The following SLC24A2 variants were observed in gnomAD, a reference collection of about 807,000 sequenced individuals.
The protein encoded by SLC24A2 is solute carrier family 24 member 2, also known as sodium/potassium/calcium exchanger 2.
SLC24A2 carries 36 observed loss-of-function variants against 62.0 expected under a neutral mutation model. The ratio of observed to expected loss-of-function variants is 0.58; its 90% CI spans 0.44 to 0.77. The LOEUF is 0.77. Ranked by LOEUF, SLC24A2 falls within the 30% of genes least tolerant of loss-of-function variation. The probability of loss-of-function intolerance (pLI) is 0.00; values close to 1 mark genes in which losing one functional copy is unlikely to be tolerated. For missense variants in SLC24A2, 846 were observed against 817.9 expected (o/e 1.03, Z -0.42); for synonymous variants, 358 against 294.0 (o/e 1.22, Z -2.23).
At chr9:20,223,786 C>G in the SLC24A2 span, among the ~76,000 whole-genome samples, 3,241 of 151,998 alleles carry the variant, frequency 0.021, 185 homozygotes, top group East Asian at 0.19. Flanking sequence ...AGGTGGAAAA[C>G]AAAACAAAAT....
At chr9:20,017,374 T>C in the SLC24A2 span, among the ~76,000 whole-genome samples, 1 of 152,298 alleles carries the variant, frequency 6.6e-6, no homozygotes, top group South Asian at 2.1e-4. Flanking sequence ...ATAATGATTC[T>C]AAATTTTTCT....
the SLC24A2 span, among the ~76,000 whole-genome samples, chr9:19,933,724 TTCA>T: frequency 6.6e-6 from 1 of 152,246 alleles, no homozygotes; most frequent in Non-Finnish European, 1.5e-5. Context: ...AACCCAAATG[TTCA>T]TCAACTGATG....
chr9:19,578,613 CTTTTTTATTTAG>C (rs1836106610), intron 5 of SLC24A2, among the ~76,000 whole-genome samples: 1 of 151,636 alleles, frequency 6.6e-6, no homozygotes, highest in Non-Finnish European at 1.5e-5. Flanking sequence ...TCTCATTCTA[CTTTTTTATTTAG>C]AACCAAACCA....
the SLC24A2 span, among the ~76,000 whole-genome samples, chr9:20,047,156 T>C: frequency 6.6e-6 from 1 of 152,284 alleles, no homozygotes; most frequent in East Asian, 1.9e-4. Flanking sequence ...CAACAGGTGA[T>C]GTTGACATGA....
the SLC24A2 span, among the ~76,000 whole-genome samples, chr9:20,143,057 C>T: frequency 6.6e-6 from 1 of 152,198 alleles, no homozygotes; most frequent in Non-Finnish European, 1.5e-5. Flanking sequence ...AGTCACCCAC[C>T]AATGAAGTGA....
At chr9:20,196,219 C>T in the SLC24A2 span, among the ~76,000 whole-genome samples, 1 of 152,068 alleles carries the variant, frequency 6.6e-6, no homozygotes, top group Non-Finnish European at 1.5e-5. Context: ...ATCTGAAATC[C>T]ATCTTTTTAC....
At chr9:20,183,154 T>C in the SLC24A2 span, among the ~76,000 whole-genome samples, 1 of 152,158 alleles carries the variant, frequency 6.6e-6, no homozygotes, top group African/African-American at 2.4e-5. Context: ...AATTCTATCT[T>C]CACGGGAGCA....
intron 2 of SLC24A2, among the ~76,000 whole-genome samples, chr9:19,734,844 TA>T (rs1054942338): frequency 2.6e-5 from 4 of 152,138 alleles, no homozygotes; most frequent in African/African-American, 9.7e-5. Flanking sequence ...CCTTACACCT[TA>T]TACAAAAATT....
the SLC24A2 span, among the ~76,000 whole-genome samples, chr9:20,050,841 T>G: frequency 8.4e-4 from 128 of 152,304 alleles, no homozygotes; most frequent in African/African-American, 2.8e-3. Flanking sequence ...TTACTGCCTG[T>G]TGTAATGATG....
chr9:19,647,064 G>GCACACA (rs1227341512), intron 2 of SLC24A2, among the ~76,000 whole-genome samples: 7 of 25,208 alleles, frequency 2.8e-4, no homozygotes, highest in African/African-American at 1.5e-3. Context: ...ACACACACAC[G>GCACACA]CGCGCACACA....
chr9:20,137,472 A>T, the SLC24A2 span, among the ~76,000 whole-genome samples: 6,569 of 152,242 alleles, frequency 0.043, 454 homozygotes, highest in African/African-American at 0.15. Flanking sequence ...TGTCACATCA[A>T]ATCTTTATAG....
the SLC24A2 span, among the ~76,000 whole-genome samples, chr9:19,851,027 A>ATT: frequency 0.057 from 3,120 of 55,194 alleles, 416 homozygotes; most frequent in African/African-American, 0.19. Context: ...ATATATACAT[A>ATT]TTTTTTTTTT....
chr9:19,872,603 C>G, the SLC24A2 span, among the ~76,000 whole-genome samples: 1 of 152,168 alleles, frequency 6.6e-6, no homozygotes, highest in Non-Finnish European at 1.5e-5. Context: ...TAACTCCCTG[C>G]TAAGGCCTTG....
the SLC24A2 span, among the ~76,000 whole-genome samples, chr9:20,307,425 C>T: frequency 6.6e-6 from 1 of 152,220 alleles, no homozygotes; most frequent in Non-Finnish European, 1.5e-5. Context: ...AAACCAATTC[C>T]ACCCACATTT....
chr9:20,263,804 G>A, the SLC24A2 span, among the ~76,000 whole-genome samples: 1 of 144,998 alleles, frequency 6.9e-6, no homozygotes, highest in Non-Finnish European at 1.5e-5. Flanking sequence ...CACTTCCATT[G>A]TTGCAGGAAG....
chr9:19,792,432 C>T (rs369487609), upstream of SLC24A2, among the ~76,000 whole-genome samples: 23 of 150,860 alleles, frequency 1.5e-4, no homozygotes, highest in Admixed American at 4.6e-4. Context: ...TGGTGGCTCA[C>T]GCCTTTAATC....
At chr9:20,032,526 C>G in the SLC24A2 span, among the ~76,000 whole-genome samples, 1 of 152,066 alleles carries the variant, frequency 6.6e-6, no homozygotes, top group Non-Finnish European at 1.5e-5. Flanking sequence ...GCATTTTGCC[C>G]AAGGGTCGGG....
intron 2 of SLC24A2, among the ~76,000 whole-genome samples, chr9:19,654,148 G>T (rs73646355): frequency 0.055 from 8,441 of 152,250 alleles, 602 homozygotes; most frequent in African/African-American, 0.17. Context: ...GCCTTTTCAA[G>T]ACTTTCATAT....
the SLC24A2 span, among the ~76,000 whole-genome samples, chr9:20,169,220 C>A: frequency 2.0e-5 from 3 of 151,970 alleles, no homozygotes; most frequent in African/African-American, 7.2e-5. Flanking sequence ...TTAATGAGTA[C>A]AGAGTTTATG....
Sources: gnomAD v4.1 joint callset for allele counts (sites outside exome capture counted in the v4.1 genomes callset) on GRCh38, gnomAD v4.1.1 for gene constraint, MANE v1.5 for transcripts, NCBI Gene and HGNC (gene_info 2026-07-23, HGNC 2026-07-21) for gene names.